Variants in SLC6A6 observed in about 807,000 individuals in gnomAD.
SLC6A6 encodes the protein solute carrier family 6 member 6.
SLC6A6 carries 16 observed loss-of-function variants against 68.8 expected under a neutral mutation model. The observed-to-expected ratio is 0.23, with a 90% CI of 0.16 to 0.35. The LOEUF (loss-of-function observed/expected upper bound fraction) is 0.35. Among genes scored for constraint, SLC6A6 ranks in the 10% least tolerant of loss-of-function variants. SLC6A6 has a pLI of 1.00. For missense variants in SLC6A6, 474 were observed against 802.8 expected (o/e 0.59, Z 4.95); for synonymous variants, 312 against 315.4 (o/e 0.99, Z 0.12).
At chr3:14,470,824 T>G (rs1700734653) in intron 9 of SLC6A6, among the ~76,000 whole-genome samples, 2 of 152,210 alleles carry the variant, frequency 1.3e-5, no homozygotes, top group South Asian at 4.1e-4. Context: ...CTGGTTCTTT[T>G]GGGCATGTTC....
intron 2 of SLC6A6, among the ~76,000 whole-genome samples, chr3:14,419,907 A>G (rs1383210446): frequency 6.6e-6 from 1 of 151,680 alleles, no homozygotes; most frequent in East Asian, 1.9e-4. Context: ...TAACAGGGAG[A>G]CCCTCTCTGG....
At position 14,458,069 on chromosome 3, in the gene SLC6A6, G is replaced by A. The variant is rs754374495; in HGVS notation, c.719G>A (p.Arg240Lys). ...TTCTTCTGCATCTGGAAGGGCGTCA[G>A]GTCCACTGGGAAGGTAAGTTGGACT... is the stretch of plus-strand genomic sequence containing the variant. ...VCFFCIWKGV[R>K]STGKVVYFTA... The change falls in exon 6 of 15, where the codon AGG (arginine) becomes AAG (lysine). Residue 240 changes from arginine to lysine, a missense_variant. Arg to Lys is a conservative substitution (Grantham distance 26). Transcript: ENST00000622186. 1 of 1,613,982 alleles carries A rather than the reference G, an allele frequency of 6.2e-7. No homozygotes were observed. The highest frequency in any genetic ancestry group is 2.2e-5 in the East Asian group (1 of 44,884).
chr3:14,444,071 C>T (rs370651208), intron 3 of SLC6A6: 15 of 554,322 alleles, frequency 2.7e-5, no homozygotes, highest in Middle Eastern at 2.7e-4. Flanking sequence ...TACTGTTCTG[C>T]AGGGCCTTTC....
intron 5 of SLC6A6, chr3:14,448,088 AC>A: frequency 8.5e-7 from 1 of 1,180,504 alleles, no homozygotes. Flanking sequence ...AATCATTACT[AC>A]CCTGTGAGGC....
At chr3:14,406,031 A>T (rs1262843164) in intron 1 of SLC6A6, among the ~76,000 whole-genome samples, 2 of 152,180 alleles carry the variant, frequency 1.3e-5, no homozygotes, top group Admixed American at 1.3e-4. Context: ...GTGGAGAAAC[A>T]GGATGGGCTG....
Position 14,447,790 on chromosome 3 carries a change from C to T in SLC6A6, c.573C>T (p.Phe191=), listed in dbSNP as rs1415021405. The T allele has an allele frequency of 3.7e-6, 6 of 1,614,238 alleles. No homozygotes were observed. Among genetic ancestry groups the T allele is most frequent in the South Asian group, 1.1e-5 (1 of 91,092 alleles). The change falls in exon 5 of 15, where the codon TTC becomes TTT. Residue 191 remains phenylalanine, a synonymous_variant. Transcript: ENST00000622186. ...GGATCACCATCAGCTCCACCAACTTCACCTCCCCTGTCATCGAGTTCTGGG... is the reference window on the plus strand; with the variant it reads ...GGATCACCATCAGCTCCACCAACTTTACCTCCCCTGTCATCGAGTTCTGGG... ...SVWITISSTN[F]TSPVIEFWER... is the part of the protein sequence containing the mutation.
Position 14,453,034 on chromosome 3 carries a change from A to G in SLC6A6, c.600-4916A>G, listed in dbSNP as rs11925246. On this transcript the variant is annotated intron_variant, in intron 5 of 14. Transcript: ENST00000622186. ...GCCTGCTCAGCCAATCTTCCCCTGC[A>G]GCTGTCGGAAAGAGGAGGCGGTGGA... Among the ~76,000 whole-genome samples the G allele has an allele frequency of 7.5e-3, 1,137 of 152,378 alleles. 8 individuals are homozygous for G. The highest frequency in any genetic ancestry group is 0.026 in the African/African-American group (1,094 of 41,590).
At chr3:14,416,489 C>T (rs1011855425) in intron 2 of SLC6A6, 36 bp downstream of exon 2, 3 of 398,704 alleles carry the variant, frequency 7.5e-6, no homozygotes, top group Non-Finnish European at 8.8e-6. Context: ...GGATGGGTGT[C>T]TCACACGTTG....
rs1048422634 is a variant in SLC6A6, at chr3:14,487,454, T to C, written c.*2447T>C. The C allele has an allele frequency of 2.6e-5, 4 of 152,270 alleles. No homozygotes were observed. The highest frequency in any genetic ancestry group is 5.9e-5 in the Non-Finnish European group (4 of 68,082). 9.4% of individuals were successfully genotyped at this position (152,270 alleles called of 1,614,324 possible). ...TCATGTCTCCGTATAAACGAAACTT[T>C]CCATGAGAGCTCATGACTCTGGTCC... On this transcript the variant is annotated 3_prime_UTR_variant, in exon 15 of 15. Transcript: ENST00000622186.
At chr3:14,476,430 G>A (rs1471657961) in intron 10 of SLC6A6, among the ~76,000 whole-genome samples, 7 of 152,336 alleles carry the variant, frequency 4.6e-5, no homozygotes, top group African/African-American at 1.7e-4. Flanking sequence ...GAATTCCCCT[G>A]AAATGTTACC....
chr3:14,425,827 C>T (rs1699584338), intron 2 of SLC6A6, among the ~76,000 whole-genome samples: 1 of 152,176 alleles, frequency 6.6e-6, no homozygotes, highest in South Asian at 2.1e-4. Flanking sequence ...CCCTGGATAT[C>T]AGCCACTTAA....
intron 6 of SLC6A6, among the ~76,000 whole-genome samples, chr3:14,461,000 G>C (rs1392428775): frequency 2.6e-5 from 4 of 152,258 alleles, no homozygotes; most frequent in Non-Finnish European, 5.9e-5. Context: ...AGTCCAGCAA[G>C]GAGGAGTTGG....
rs569574333 is a variant in SLC6A6 at position 14,434,595 on chromosome 3, C to T, written c.-11-9029C>T. 4.9e-4 allele frequency among the ~76,000 whole-genome samples: 75 copies of T among 152,328 alleles called. 5 individuals are homozygous for T. In the South Asian group the frequency reaches 0.014, roughly 28 times the overall value. ...CCTCTGAGATGCAGAGGGGAAGTGA[C>T]TTGGCCTGCATGACCCAGCTTTCTG... On this transcript the variant is annotated intron_variant, in intron 2 of 14. Transcript: ENST00000622186.
intron 10 of SLC6A6, among the ~76,000 whole-genome samples, chr3:14,476,785 A>T (rs1398827366): frequency 1.3e-5 from 2 of 152,222 alleles, no homozygotes; most frequent in Non-Finnish European, 1.5e-5. Flanking sequence ...GAGGATGGAG[A>T]TCAGTGAGGG....
chr3:14,475,832 C>T (rs1386040395), intron 10 of SLC6A6, among the ~76,000 whole-genome samples: 2 of 152,202 alleles, frequency 1.3e-5, no homozygotes, highest in African/African-American at 4.8e-5. Flanking sequence ...GTCAAAAAAG[C>T]AGCCTCTTCT....
At chr3:14,409,498 G>A (rs1171279555) in intron 1 of SLC6A6, among the ~76,000 whole-genome samples, 1 of 152,272 alleles carries the variant, frequency 6.6e-6, no homozygotes, top group Non-Finnish European at 1.5e-5. Context: ...AAGGGTGGAA[G>A]GAGCGCTGGA....
At position 14,402,861 on chromosome 3, in the gene SLC6A6, C is replaced by A. The variant is rs945377838; in HGVS notation, c.-54+14C>A. The stretch of plus-strand genomic sequence containing the variant: ...CAGCCACCCCAGGTACCGGAGGGAC[C>A]GGGAGCTGGGCGCGCAGCCGGCGCT... On this transcript the variant is annotated intron_variant, in intron 1 of 14. Transcript: ENST00000622186. This position sits in a 1 kb window ranked among gnomAD's most constrained non-coding sequence, Gnocchi z 4.8. The A allele has an allele frequency of 1.0e-5, 4 of 395,164 alleles. No individual in the cohort carries two copies. Among genetic ancestry groups the A allele is most frequent in the Non-Finnish European group, 1.3e-5 (3 of 223,772 alleles). The allele number at this position is 395,164 out of a possible 1,614,324, so 24.5% of individuals were successfully genotyped here. A position where few individuals can be genotyped will look rare whatever the true frequency, so the allele number is the denominator to read the frequency against.
intron 1 of SLC6A6, among the ~76,000 whole-genome samples, chr3:14,410,176 C>CAAA (rs145587348): frequency 2.1e-4 from 13 of 60,684 alleles, no homozygotes; most frequent in African/African-American, 4.6e-4. Flanking sequence ...GACTCCATCT[C>CAAA]AAAAAAAAAA....
rs761447548 is a variant in SLC6A6, at chr3:14,450,297, G to T, written c.599+2481G>T. 8.5e-5 allele frequency among the ~76,000 whole-genome samples: 13 copies of T among 152,074 alleles called. No homozygotes were observed. The highest frequency in any genetic ancestry group is 6.5e-4 in the Admixed American group (10 of 15,278). On this transcript the variant is annotated intron_variant, in intron 5 of 14. Coordinates refer to ENST00000622186, the MANE Select transcript of SLC6A6 (RefSeq NM_003043.6). This position sits in a 1 kb window ranked among gnomAD's most constrained non-coding sequence, Gnocchi z 4.1. ...TTCCAGAGGGACCGGGCCCTCGGGG[G>T]TATTCTGGGACCCTTGCCTTCCAGA...
Sources: allele counts gnomAD v4.1 joint callset (sites outside exome capture counted in the v4.1 genomes callset), GRCh38; gene constraint gnomAD v4.1.1; non-coding constraint Gnocchi (gnomAD v3.1); transcripts MANE v1.5; gene names NCBI Gene and HGNC (gene_info 2026-07-23, HGNC 2026-07-21).